The following KLHL1 variants were observed in gnomAD, a reference collection of about 807,000 sequenced individuals.
The protein encoded by KLHL1 is kelch like family member 1, also known as kelch-like protein 1.
KLHL1 carries 47 observed loss-of-function variants against 77.7 expected under a neutral mutation model. That is an observed-to-expected ratio of 0.60 (90% CI 0.48 to 0.77). The LOEUF (loss-of-function observed/expected upper bound fraction) is 0.77. Ranked by LOEUF, KLHL1 falls within the 30% of genes least tolerant of loss-of-function variation. KLHL1 has a pLI of 0.00. For synonymous variants in KLHL1, 360 were observed against 325.2 expected, an observed-to-expected ratio of 1.11 and a Z score of -1.15; for missense variants, 925 against 910.8, an observed-to-expected ratio of 1.02 and a Z score of -0.20.
At chr13:70,097,377 A>G (rs1887817201) in intron 1 of KLHL1, among the ~76,000 whole-genome samples, 1 of 152,048 alleles carries the variant, frequency 6.6e-6, no homozygotes, top group Non-Finnish European at 1.5e-5. Flanking sequence ...GGTAGGAGAA[A>G]TATGTGTTTA....
intron 7 of KLHL1, among the ~76,000 whole-genome samples, chr13:69,770,172 A>G (rs1162531636): frequency 6.6e-6 from 1 of 152,160 alleles, no homozygotes; most frequent in Admixed American, 6.5e-5. Flanking sequence ...GCACCACTGC[A>G]TTCCCCTCAG....
intron 7 of KLHL1, among the ~76,000 whole-genome samples, chr13:69,779,448 C>G (rs1566241698): frequency 6.8e-6 from 1 of 146,764 alleles, no homozygotes; most frequent in East Asian, 2.0e-4. Context: ...TCCTTCTTTC[C>G]TTTCCTTTTA....
intron 8 of KLHL1, among the ~76,000 whole-genome samples, chr13:69,727,720 T>G (rs886686856): frequency 6.6e-5 from 10 of 152,180 alleles, no homozygotes; most frequent in Admixed American, 6.5e-4. Flanking sequence ...GTTTCAACAA[T>G]TGGCATATAT....
intron 7 of KLHL1, among the ~76,000 whole-genome samples, chr13:69,792,881 G>A (rs1593837274): frequency 6.6e-6 from 1 of 152,052 alleles, no homozygotes; most frequent in East Asian, 1.9e-4. Flanking sequence ...GAAAGACTGG[G>A]TTATTAAGAC....
At chr13:69,935,284 G>GTTCACCCAC (rs1376755738) in intron 4 of KLHL1, among the ~76,000 whole-genome samples, 1 of 151,710 alleles carries the variant, frequency 6.6e-6, no homozygotes, top group Non-Finnish European at 1.5e-5. Context: ...TTGGTACATA[G>GTTCACCCAC]CAGTCAATAG....
At chr13:69,920,139 G>C (rs1882584969) in intron 4 of KLHL1, among the ~76,000 whole-genome samples, 1 of 148,722 alleles carries the variant, frequency 6.7e-6, no homozygotes, top group South Asian at 2.1e-4. Context: ...GATAAAATTT[G>C]TTTGTTTTTG....
rs563691018 is a variant in KLHL1 at position 70,108,067 on chromosome 13, C to G, written c.-368G>C. 4 of 418,066 alleles carry G rather than the reference C, an allele frequency of 9.6e-6. No individual in the cohort carries two copies. Among genetic ancestry groups the G allele is most frequent in the Non-Finnish European group, 1.7e-5 (4 of 237,144 alleles). The allele number at this position is 418,066 out of a possible 1,614,324, so 25.9% of individuals were successfully genotyped here. On this transcript the variant is annotated 5_prime_UTR_variant, in exon 1 of 11. Transcript: ENST00000377844. ...GATGCGCGAGGGAGGGAGGTCTGAG[C>G]GCTCCGAAGCTCCGGAGGCGGCTGC...
At chr13:69,810,840 A>G (rs1366893502) in intron 6 of KLHL1, among the ~76,000 whole-genome samples, 1 of 152,114 alleles carries the variant, frequency 6.6e-6, no homozygotes, top group Non-Finnish European at 1.5e-5. Flanking sequence ...AGAGAGTGCT[A>G]TGAACACCTC....
intron 6 of KLHL1, among the ~76,000 whole-genome samples, chr13:69,813,707 A>G (rs1425110684): frequency 6.6e-6 from 1 of 152,150 alleles, no homozygotes; most frequent in Non-Finnish European, 1.5e-5. Context: ...GATGAAAGAT[A>G]TCTACAAGAA....
chr13:69,995,099 T>C (rs1394088566), intron 1 of KLHL1, among the ~76,000 whole-genome samples: 4 of 152,112 alleles, frequency 2.6e-5, no homozygotes, highest in Non-Finnish European at 4.4e-5. Flanking sequence ...TATTGTAATA[T>C]AGCAGCATTC....
chr13:70,084,545 A>T, intron 1 of KLHL1, among the ~76,000 whole-genome samples: 1 of 121,278 alleles, frequency 8.2e-6, no homozygotes, highest in Non-Finnish European at 1.6e-5. Context: ...TGCAAGCTCC[A>T]CCTTCCGGGT....
intron 4 of KLHL1, among the ~76,000 whole-genome samples, chr13:69,926,736 A>G (rs1400087103): frequency 6.6e-6 from 1 of 151,942 alleles, no homozygotes; most frequent in Non-Finnish European, 1.5e-5. Context: ...TCACGAGGCC[A>G]GGAGATGGAG....
rs1316398623 is a variant in KLHL1 at position 69,818,219 on chromosome 13, C to CTT, written c.1414+20755_1414+20756dup. Among the ~76,000 whole-genome samples, 203 of 112,868 alleles carry CTT rather than the reference C, an allele frequency of 1.8e-3. 10 individuals are homozygous for CTT. Among genetic ancestry groups the CTT allele is most frequent in the African/African-American group, 3.4e-3 (85 of 25,106 alleles). The allele number at this position is 112,868 out of a possible 152,430, so 74.0% of individuals were successfully genotyped here. A position where few individuals can be genotyped will look rare whatever the true frequency, so the allele number is the denominator to read the frequency against. Reference sequence around the variant, plus strand: ...AGAATTTAACTTAACTCATAGGCATCTTTTTTTTTTTTTTTTTTTTGAGAC... The same window carrying CTT: ...AGAATTTAACTTAACTCATAGGCATCTTTTTTTTTTTTTTTTTTTTTTGAGAC... On this transcript the variant is annotated intron_variant, in intron 6 of 10. Transcript: ENST00000377844.
At chr13:69,888,520 G>C (rs1225710760) in intron 4 of KLHL1, among the ~76,000 whole-genome samples, 2 of 152,068 alleles carry the variant, frequency 1.3e-5, no homozygotes, top group Non-Finnish European at 2.9e-5. Flanking sequence ...AGAAATGAGA[G>C]ACACAAAGGG....
At chr13:69,921,004 C>A (rs1183822185) in intron 4 of KLHL1, among the ~76,000 whole-genome samples, 1 of 152,108 alleles carries the variant, frequency 6.6e-6, no homozygotes, top group African/African-American at 2.4e-5. Flanking sequence ...TGTTTTAGCA[C>A]CAACTTGGCA....
intron 5 of KLHL1, among the ~76,000 whole-genome samples, chr13:69,876,902 T>C (rs1396104703): frequency 2.0e-5 from 3 of 152,066 alleles, no homozygotes. Context: ...CCGTGCGTGG[T>C]GGCGCATGCA....
chr13:70,074,834 T>C (rs1404612720), intron 1 of KLHL1, among the ~76,000 whole-genome samples: 1 of 151,826 alleles, frequency 6.6e-6, no homozygotes, highest in Non-Finnish European at 1.5e-5. Flanking sequence ...AATAAACAAA[T>C]TTATCACTAT....
At chr13:69,743,613 T>A (rs1874074446) in intron 7 of KLHL1, among the ~76,000 whole-genome samples, 2 of 151,782 alleles carry the variant, frequency 1.3e-5, no homozygotes, top group Non-Finnish European at 1.5e-5. Flanking sequence ...GGCAAAAATC[T>A]CGTCTCTACT....
intron 5 of KLHL1, among the ~76,000 whole-genome samples, chr13:69,879,002 G>C (rs1207891459): frequency 1.3e-5 from 2 of 152,082 alleles, no homozygotes; most frequent in Non-Finnish European, 2.9e-5. Flanking sequence ...ATCACAAGGA[G>C]AAAAAATCAA....
Sources: allele counts gnomAD v4.1 joint callset (sites outside exome capture counted in the v4.1 genomes callset), GRCh38; gene constraint gnomAD v4.1.1; transcripts MANE v1.5; gene names NCBI Gene and HGNC (gene_info 2026-07-23, HGNC 2026-07-21).